Variants in PLCB1 observed in about 807,000 individuals in gnomAD.
The protein encoded by PLCB1 is phospholipase C beta 1.
In PLCB1, 46 loss-of-function variants were observed where a neutral mutation model predicts 161.8. That is an observed-to-expected ratio of 0.28 (90% CI 0.22 to 0.36). PLCB1 has a LOEUF of 0.36. PLCB1 is among the 10% of genes least tolerant of loss of function. The probability of loss-of-function intolerance (pLI) is 1.00; values close to 1 mark genes in which losing one functional copy is unlikely to be tolerated. For missense variants in PLCB1, 1,016 were observed against 1,472.5 expected, an observed-to-expected ratio of 0.69 and a Z score of 5.07; for synonymous variants, 517 against 503.7, an observed-to-expected ratio of 1.03 and a Z score of -0.35.
intron 9 of PLCB1, among the ~76,000 whole-genome samples, chr20:8,669,725 A>T (rs992234146): frequency 6.6e-6 from 1 of 152,208 alleles, no homozygotes; most frequent in Admixed American, 6.5e-5. Flanking sequence ...GCTGTGCTTT[A>T]TGCTGCAGAG....
At chr20:8,533,779 A>T (rs1984928075) in intron 3 of PLCB1, among the ~76,000 whole-genome samples, 1 of 151,666 alleles carries the variant, frequency 6.6e-6, no homozygotes, top group Admixed American at 6.6e-5. Context: ...TTGTCAGATG[A>T]GTAGGTTGCG....
At chr20:8,246,783 A>G (rs569150645) in intron 2 of PLCB1, among the ~76,000 whole-genome samples, 2 of 150,732 alleles carry the variant, frequency 1.3e-5, no homozygotes, top group East Asian at 3.9e-4. Flanking sequence ...TTATCTTTTA[A>G]TTTGCAAATG....
At chr20:8,526,458 CCTT>C (rs1190258452) in intron 3 of PLCB1, among the ~76,000 whole-genome samples, 1 of 152,010 alleles carries the variant, frequency 6.6e-6, no homozygotes, top group African/African-American at 2.4e-5. Context: ...CTATTTAATG[CCTT>C]CTTCTCATTT....
chr20:8,865,654 A>G (rs1987403079), intron 31 of PLCB1, among the ~76,000 whole-genome samples: 1 of 152,188 alleles, frequency 6.6e-6, no homozygotes, highest in Non-Finnish European at 1.5e-5. Flanking sequence ...TCCTTTCATA[A>G]TGTGGCTCCA....
chr20:8,644,461 G>T (rs28594563), intron 4 of PLCB1, among the ~76,000 whole-genome samples: 36,287 of 148,898 alleles, frequency 0.24, 4,447 homozygotes, highest in Admixed American at 0.33. Context: ...CATCTGGGAT[G>T]TGAGGAGCGC....
intron 3 of PLCB1, among the ~76,000 whole-genome samples, chr20:8,543,384 G>A (rs908520543): frequency 1.3e-5 from 2 of 152,008 alleles, no homozygotes; most frequent in East Asian, 1.9e-4. Context: ...ATGTGACTAA[G>A]TATAAATTCT....
At chr20:8,401,987 T>TC (rs1210543001) in intron 3 of PLCB1, among the ~76,000 whole-genome samples, 1 of 152,214 alleles carries the variant, frequency 6.6e-6, no homozygotes, top group Non-Finnish European at 1.5e-5. Context: ...CCTATTTTTT[T>TC]CTCATTGATT....
At chr20:8,748,602 A>G (rs527612888) in intron 23 of PLCB1, among the ~76,000 whole-genome samples, 1 of 152,316 alleles carries the variant, frequency 6.6e-6, no homozygotes, top group South Asian at 2.1e-4. Context: ...ATGGCTCCCA[A>G]TTAATGATGA....
chr20:8,321,516 T>C (rs191196641), intron 2 of PLCB1, among the ~76,000 whole-genome samples: 34 of 152,246 alleles, frequency 2.2e-4, no homozygotes, highest in Non-Finnish European at 3.8e-4. Flanking sequence ...TTTGAAGACA[T>C]TGGGGGAGTG....
At chr20:8,873,274 A>T (rs1442337096) in intron 31 of PLCB1, among the ~76,000 whole-genome samples, 3 of 152,198 alleles carry the variant, frequency 2.0e-5, no homozygotes, top group African/African-American at 7.2e-5. Flanking sequence ...TAAAAATAAG[A>T]TGAGGCCTTG....
chr20:8,132,561 AAGG>A lies in PLCB1; in HGVS notation c.-88_-86del. The A allele has an allele frequency of 1.3e-6, 1 of 776,774 alleles. No individual in the cohort carries two copies. The highest frequency in any genetic ancestry group is 2.4e-5 in the South Asian group (1 of 41,058). 48.1% of individuals were successfully genotyped at this position (776,774 alleles called of 1,614,324 possible). A position where few individuals can be genotyped will look rare whatever the true frequency, so the allele number is the denominator to read the frequency against. On this transcript the variant is annotated 5_prime_UTR_variant, in exon 1 of 32. Coordinates refer to ENST00000338037, the MANE Select transcript of PLCB1 (RefSeq NM_015192.4). This position sits in a 1 kb window ranked among gnomAD's most constrained non-coding sequence, Gnocchi z 5.2. ...GAGTCGAGCGCCTCCGGAGCAGAGA[AAGG>A]AGCCCGCGCCCCGCGCCCCGCGCCC...
intron 31 of PLCB1, among the ~76,000 whole-genome samples, chr20:8,834,059 A>T (rs1345143424): frequency 6.6e-6 from 1 of 152,148 alleles, no homozygotes; most frequent in Non-Finnish European, 1.5e-5. Context: ...ATTCAATATT[A>T]TTTGTTGAAT....
chr20:8,274,869 T>A (rs1340811802), intron 2 of PLCB1, among the ~76,000 whole-genome samples: 1 of 152,214 alleles, frequency 6.6e-6, no homozygotes, highest in Non-Finnish European at 1.5e-5. Flanking sequence ...GAACCTGTTC[T>A]TTCCCTGCGA....
At chr20:8,734,441 G>C in intron 19 of PLCB1, among the ~76,000 whole-genome samples, 1 of 151,370 alleles carries the variant, frequency 6.6e-6, no homozygotes, top group East Asian at 1.9e-4. Flanking sequence ...TACTTTAAAT[G>C]GTTTTTGAAA....
At chr20:8,798,168 G>A (rs527491544) in intron 31 of PLCB1, among the ~76,000 whole-genome samples, 7 of 150,828 alleles carry the variant, frequency 4.6e-5, no homozygotes, top group African/African-American at 1.7e-4. Flanking sequence ...CTGCACTCCA[G>A]ACTGTGTGAC....
chr20:8,227,495 A>G (rs1271566291), intron 2 of PLCB1, among the ~76,000 whole-genome samples: 1 of 152,008 alleles, frequency 6.6e-6, no homozygotes, highest in Non-Finnish European at 1.5e-5. Flanking sequence ...CAGCCAACCA[A>G]TCCCTGAATT....
intron 9 of PLCB1, among the ~76,000 whole-genome samples, chr20:8,676,400 A>C (rs1990075827): frequency 6.6e-6 from 1 of 151,886 alleles, no homozygotes; most frequent in African/African-American, 2.4e-5. Context: ...AGACAAAGAA[A>C]GAAAGAAAGA....
intron 31 of PLCB1, among the ~76,000 whole-genome samples, chr20:8,868,292 A>G (rs1186654933): frequency 6.6e-6 from 1 of 152,238 alleles, no homozygotes; most frequent in Non-Finnish European, 1.5e-5. Context: ...GATGATTTAG[A>G]AATGTGCTGG....
chr20:8,166,809 G>A (rs1395892747), intron 2 of PLCB1, among the ~76,000 whole-genome samples: 1 of 151,984 alleles, frequency 6.6e-6, no homozygotes, highest in Non-Finnish European at 1.5e-5. Context: ...CCCTAGACAC[G>A]GCATATTTCT....
Sources: gnomAD v4.1 joint callset for allele counts (sites outside exome capture counted in the v4.1 genomes callset) on GRCh38, gnomAD v4.1.1 for gene constraint, Gnocchi (gnomAD v3.1) non-coding constraint, MANE v1.5 for transcripts, NCBI Gene and HGNC (gene_info 2026-07-23, HGNC 2026-07-21) for gene names.